ST6GALNAC5: variants seen among roughly 807,000 people sequenced by gnomAD.
ST6GALNAC5 encodes the protein alpha-N-acetylgalactosaminide alpha-2,6-sialyltransferase 5.
In ST6GALNAC5, 27 loss-of-function variants were observed where a neutral mutation model predicts 33.6. The ratio of observed to expected loss-of-function variants is 0.80; its 90% CI spans 0.59 to 1.11. The LOEUF (loss-of-function observed/expected upper bound fraction) is 1.11, where lower values mean the gene tolerates loss of function less well. ST6GALNAC5 is among the 50% of genes least tolerant of loss of function. The probability of loss-of-function intolerance (pLI) is 0.00; values close to 1 mark genes in which losing one functional copy is unlikely to be tolerated. For synonymous variants in ST6GALNAC5, 194 were observed against 171.2 expected, an observed-to-expected ratio of 1.13 and a Z score of -1.04; for missense variants, 428 against 454.0, an observed-to-expected ratio of 0.94 and a Z score of 0.52.
chr1:76,890,789 G>T (rs1320510364), intron 2 of ST6GALNAC5, among the ~76,000 whole-genome samples: 1 of 151,922 alleles, frequency 6.6e-6, no homozygotes, highest in Admixed American at 6.6e-5. Flanking sequence ...ACTAGAGATA[G>T]CATAACCATT....
At chr1:76,946,367 T>G (rs187643666) in intron 2 of ST6GALNAC5, among the ~76,000 whole-genome samples, 1 of 152,136 alleles carries the variant, frequency 6.6e-6, no homozygotes, top group African/African-American at 2.4e-5. Context: ...TTGACTATTG[T>G]ATTTGACAAA....
chr1:77,045,733 T>C (rs767453396), intron 3 of ST6GALNAC5, among the ~76,000 whole-genome samples: 1 of 151,732 alleles, frequency 6.6e-6, no homozygotes, highest in African/African-American at 2.4e-5. Context: ...ATGCAGTGGG[T>C]TGGAGAAAAG....
chr1:77,029,211 T>TGACTCCTGCACTCTAGCCAC (rs1651360671), intron 2 of ST6GALNAC5, among the ~76,000 whole-genome samples: 1 of 152,046 alleles, frequency 6.6e-6, no homozygotes, highest in East Asian at 1.9e-4. Flanking sequence ...CTTAGTACAA[T>TGACTCCTGCACTCTAGCCAC]AAGTGGAAAA....
intron 2 of ST6GALNAC5, among the ~76,000 whole-genome samples, chr1:76,999,033 CAG>C (rs746463793): frequency 3.9e-5 from 6 of 152,072 alleles, no homozygotes; most frequent in Non-Finnish European, 5.9e-5. Context: ...TCTTTTCAGA[CAG>C]AGAGATTCAA....
At position 77,038,565 on chromosome 1, in the gene ST6GALNAC5, G is replaced by A. The variant is rs192441460; in HGVS notation, c.262-5639G>A. ...ATATATCAGAATTTTAAAAACGGAA[G>A]CCTGATATTGCCATGCTGCAAATGT... is the stretch of plus-strand genomic sequence containing the variant. On this transcript the variant is annotated intron_variant, in intron 2 of 4. Transcript: ENST00000477717. 1.5e-3 allele frequency among the ~76,000 whole-genome samples: 231 copies of A among 152,318 alleles called. 1 individual carries two copies. Among genetic ancestry groups the A allele is most frequent in the African/African-American group, 5.3e-3 (220 of 41,574 alleles).
At chr1:76,911,893 T>G (rs1437963800) in intron 2 of ST6GALNAC5, among the ~76,000 whole-genome samples, 11 of 152,298 alleles carry the variant, frequency 7.2e-5, no homozygotes, top group African/African-American at 2.6e-4. Flanking sequence ...ATTCATTAAT[T>G]TTTTGAAGGG....
chr1:76,974,378 T>A (rs1168742066), intron 2 of ST6GALNAC5, among the ~76,000 whole-genome samples: 1 of 151,942 alleles, frequency 6.6e-6, no homozygotes, highest in Non-Finnish European at 1.5e-5. Flanking sequence ...GTTGATTTTT[T>A]AAATTTTTTT....
At chr1:76,931,788 C>T (rs141412780) in intron 2 of ST6GALNAC5, among the ~76,000 whole-genome samples, 1 of 151,946 alleles carries the variant, frequency 6.6e-6, no homozygotes, top group African/African-American at 2.4e-5. Flanking sequence ...AGTTGGAATA[C>T]TGAAATGGAT....
At chr1:77,037,066 A>C (rs1404852057) in intron 2 of ST6GALNAC5, among the ~76,000 whole-genome samples, 2 of 152,158 alleles carry the variant, frequency 1.3e-5, no homozygotes, top group Non-Finnish European at 2.9e-5. Context: ...AGTATATCAG[A>C]CAGCAAGCAG....
chr1:77,034,268 A>G (rs967303856), intron 2 of ST6GALNAC5, among the ~76,000 whole-genome samples: 9 of 151,620 alleles, frequency 5.9e-5, no homozygotes, highest in African/African-American at 2.2e-4. Flanking sequence ...CACCTACTAG[A>G]TGCATCACCC....
chr1:76,973,473 C>T (rs549306572), intron 2 of ST6GALNAC5, among the ~76,000 whole-genome samples: 2 of 151,792 alleles, frequency 1.3e-5, no homozygotes, highest in South Asian at 4.2e-4. Flanking sequence ...GCCCATCTAC[C>T]TTATGAAGGT....
Position 77,063,033 on chromosome 1 carries a change from T to G in ST6GALNAC5, c.838T>G (p.Cys280Gly). ...TTATGAACCTTTTGGACCTGATGAA[T>G]GTACAATGTACCTCTCCCATGAGCG... ...HYYEPFGPDE[C>G]TMYLSHERGR... The change falls in exon 5 of 5, where the codon TGT becomes GGT. Residue 280 changes from cysteine to glycine, a missense_variant. Transcript: ENST00000477717. The G allele has an allele frequency of 6.2e-7, 1 of 1,613,958 alleles. No homozygotes were observed. Among genetic ancestry groups the G allele is most frequent in the Non-Finnish European group, 8.5e-7 (1 of 1,179,920 alleles).
intron 2 of ST6GALNAC5, among the ~76,000 whole-genome samples, chr1:76,934,736 T>G (rs1015585440): frequency 1.3e-5 from 2 of 152,022 alleles, no homozygotes; most frequent in Admixed American, 1.3e-4. Context: ...TTGGTAGTTA[T>G]TAACTGACTA....
At chr1:76,972,540 C>T (rs1055545184) in intron 2 of ST6GALNAC5, among the ~76,000 whole-genome samples, 5 of 152,112 alleles carry the variant, frequency 3.3e-5, no homozygotes, top group Non-Finnish European at 2.9e-5. Context: ...ATAATGTATA[C>T]GTTTGTCCCA....
At chr1:76,903,209 A>G (rs1012114653) in intron 2 of ST6GALNAC5, among the ~76,000 whole-genome samples, 3 of 152,182 alleles carry the variant, frequency 2.0e-5, no homozygotes, top group East Asian at 1.9e-4. Flanking sequence ...AATTAACCCA[A>G]TTTTAAAATG....
At position 77,067,310 on chromosome 1, in the gene ST6GALNAC5, G is replaced by A. The variant is rs1156392459; in HGVS notation, c.*4104G>A. Among the ~76,000 whole-genome samples the A allele has an allele frequency of 6.6e-6, 1 of 152,190 alleles. No individual in the cohort carries two copies. The highest frequency in any genetic ancestry group is 6.5e-5 in the Admixed American group (1 of 15,280). On this transcript the variant is annotated 3_prime_UTR_variant, in exon 5 of 5. Coordinates refer to ENST00000477717, the MANE Select transcript of ST6GALNAC5 (RefSeq NM_030965.3). ...ACTCATCCCACCTTCTCAGGGTGTT[G>A]AAATGCAAATGCAAAAAGGCTGAAA... is the stretch of plus-strand genomic sequence containing the variant.
chr1:76,994,415 A>G (rs1459693320), intron 2 of ST6GALNAC5, among the ~76,000 whole-genome samples: 3 of 152,238 alleles, frequency 2.0e-5, no homozygotes, highest in South Asian at 2.1e-4. Flanking sequence ...AACATTCACA[A>G]CTAGATTCGA....
intron 4 of ST6GALNAC5, among the ~76,000 whole-genome samples, chr1:77,054,712 G>T (rs1349884289): frequency 3.9e-5 from 6 of 152,182 alleles, no homozygotes; most frequent in Admixed American, 1.3e-4. Flanking sequence ...AAGGGGAAGT[G>T]TAGGTAACCT....
At chr1:76,901,763 C>A (rs1356689249) in intron 2 of ST6GALNAC5, among the ~76,000 whole-genome samples, 1 of 152,034 alleles carries the variant, frequency 6.6e-6, no homozygotes, top group Non-Finnish European at 1.5e-5. Context: ...TGAGAGTTCC[C>A]AAAATATCTT....
Sources: allele counts gnomAD v4.1 joint callset (sites outside exome capture counted in the v4.1 genomes callset), GRCh38; gene constraint gnomAD v4.1.1; transcripts MANE v1.5; gene names NCBI Gene and HGNC (gene_info 2026-07-23, HGNC 2026-07-21).